Variants in ZNF343 observed in about 807,000 individuals in gnomAD.
ZNF343 encodes the protein zinc finger protein 343.
In ZNF343, 11 loss-of-function variants were observed where a neutral mutation model predicts 13.8. That is an observed-to-expected ratio of 0.80 (90% CI 0.50 to 1.32). ZNF343 has a LOEUF of 1.32. Ranked by LOEUF, ZNF343 falls within the 40% of genes most tolerant of loss-of-function variation. The pLI, the probability that ZNF343 is intolerant of heterozygous loss-of-function variation, is 0.00. For synonymous variants in ZNF343, 248 were observed against 260.0 expected (o/e 0.95, Z 0.44); for missense variants, 658 against 714.2 (o/e 0.92, Z 0.90).
At chr20:2,490,075 A>T (rs894101860) in intron 5 of ZNF343, among the ~76,000 whole-genome samples, 1 of 152,146 alleles carries the variant, frequency 6.6e-6, no homozygotes, top group Non-Finnish European at 1.5e-5. Context: ...TGGAAAGAGG[A>T]AAGAAAGAGA....
chr20:2,508,040 C>A lies in ZNF343; in HGVS notation c.-237+841G>T, dbSNP rs1351011403. ...CCCAGATGACGACCAAACCCAGGAA[C>A]TTTGCCACAAAGCACAGGGGGCACC... On this transcript the variant is annotated intron_variant, in intron 1 of 5. Transcript: ENST00000278772. This position sits in a 1 kb window ranked among gnomAD's most constrained non-coding sequence, Gnocchi z 4.5. Among the ~76,000 whole-genome samples, 1 of 152,024 alleles carries A rather than the reference C, an allele frequency of 6.6e-6. No individual in the cohort carries two copies. The highest frequency in any genetic ancestry group is 2.4e-5 in the African/African-American group (1 of 41,358).
At chr20:2,501,392 C>T (rs929312255) in intron 1 of ZNF343, among the ~76,000 whole-genome samples, 1 of 152,208 alleles carries the variant, frequency 6.6e-6, no homozygotes, top group Non-Finnish European at 1.5e-5. Context: ...GGGGGCAGGG[C>T]ATTGCCAAAC....
intron 1 of ZNF343, among the ~76,000 whole-genome samples, chr20:2,501,162 T>C (rs2085558137): frequency 6.6e-6 from 1 of 152,140 alleles, no homozygotes; most frequent in Non-Finnish European, 1.5e-5. Context: ...AGAGATTATA[T>C]CCCGCGCCTG....
chr20:2,515,048 G>GAT (rs1337066522), intron 1 of ZNF343, among the ~76,000 whole-genome samples: 2 of 147,342 alleles, frequency 1.4e-5, no homozygotes, highest in African/African-American at 5.0e-5. Context: ...GAAGGAAGGA[G>GAT]AAGAAGGAAG....
At chr20:2,520,598 C>T (rs2085777930) in intron 1 of ZNF343, among the ~76,000 whole-genome samples, 1 of 152,120 alleles carries the variant, frequency 6.6e-6, no homozygotes, top group South Asian at 2.1e-4. Context: ...TAATATACTG[C>T]TTATTTTATT....
chr20:2,515,474 A>C (rs12480388), intron 1 of ZNF343, among the ~76,000 whole-genome samples: 43,536 of 152,126 alleles, frequency 0.29, 6,416 homozygotes, highest in East Asian at 0.38. Flanking sequence ...AGAATCTTAA[A>C]AAATATTCCA....
chr20:2,519,566 T>C (rs1046633123), intron 1 of ZNF343, among the ~76,000 whole-genome samples: 2 of 152,222 alleles, frequency 1.3e-5, no homozygotes, highest in African/African-American at 4.8e-5. Context: ...CAATTCCTTA[T>C]ACTAAATCTC....
chr20:2,521,513 TG>T (rs1220251655), intron 1 of ZNF343, among the ~76,000 whole-genome samples: 1 of 152,158 alleles, frequency 6.6e-6, no homozygotes. Context: ...CCTCACCTGA[TG>T]GGAGACCTCT....
In ZNF343 at chr20:2,493,475, G is replaced by A. The variant is rs775511502; in HGVS notation, c.177+44C>T. On this transcript the variant is annotated intron_variant, in intron 4 of 5. Coordinates refer to ENST00000278772, the MANE Select transcript of ZNF343 (RefSeq NM_024325.6). ...AATATATGTCTATTCTCTGGAAAAT[G>A]AGCCAGCACTTCAGGAAAAAAAAAA... 4 of 1,546,736 alleles carry A rather than the reference G, an allele frequency of 2.6e-6. No individual in the cohort carries two copies. In the South Asian group the frequency reaches 3.3e-5, roughly 13 times the overall value.
upstream of ZNF343, among the ~76,000 whole-genome samples, chr20:2,509,369 C>G (rs776946307): frequency 3.3e-5 from 5 of 152,204 alleles, no homozygotes; most frequent in Non-Finnish European, 5.9e-5. Context: ...CTGTGACACA[C>G]AGGCAGGGCA....
chr20:2,503,545 C>A (rs1371030076), intron 1 of ZNF343, among the ~76,000 whole-genome samples: 13 of 152,086 alleles, frequency 8.5e-5, no homozygotes, highest in South Asian at 2.1e-4. Context: ...CCAAAATTGA[C>A]CACATAGTTG....
chr20:2,515,064 A>G (rs2085753745), intron 1 of ZNF343, among the ~76,000 whole-genome samples: 1 of 151,734 alleles, frequency 6.6e-6, no homozygotes, highest in Non-Finnish European at 1.5e-5. Flanking sequence ...GGAAGGAAGG[A>G]GAAGGAAGAA....
chr20:2,489,880 T>C (rs4813515), intron 5 of ZNF343, among the ~76,000 whole-genome samples: 102,342 of 151,790 alleles, frequency 0.67, 34,908 homozygotes, highest in African/African-American at 0.73. Flanking sequence ...CGGGCCGGGC[T>C]ATGGCTCACA....
In ZNF343 at chr20:2,483,354, A is replaced by C; in HGVS notation, c.1607T>G (p.Leu536Arg). The change falls in exon 6 of 6, where the codon CTC (leucine) becomes CGC (arginine). Residue 536 changes from leucine (L) to arginine (R), a missense_variant. Leu to Arg is a moderately radical substitution (Grantham distance 102). Coordinates refer to ENST00000278772, the MANE Select transcript of ZNF343 (RefSeq NM_024325.6). ...TGAGTGTGTCCTCTCATGTACAATG[A>C]GGGTTGACTTGTCACAAAAGCCTCG... is the stretch of plus-strand genomic sequence containing the variant. ...CGRGFCDKSTLIVHERTHSGE... is the reference protein window; with the variant it reads ...CGRGFCDKSTRIVHERTHSGE... 1 of 1,612,152 alleles carries C rather than the reference A, an allele frequency of 6.2e-7. No individual in the cohort carries two copies. The highest frequency in any genetic ancestry group is 8.5e-7 in the Non-Finnish European group (1 of 1,179,690).
chr20:2,498,160 C>G (rs1251544428), intron 2 of ZNF343, among the ~76,000 whole-genome samples: 1 of 152,096 alleles, frequency 6.6e-6, no homozygotes, highest in Admixed American at 6.5e-5. Context: ...AGGGCAAGAC[C>G]AGCCTGACCA....
upstream of ZNF343, among the ~76,000 whole-genome samples, chr20:2,512,812 G>A (rs192348158): frequency 4.6e-5 from 7 of 151,774 alleles, 1 homozygote; most frequent in Admixed American, 2.6e-4. Flanking sequence ...TGGGCCAGTC[G>A]CAGTGGCTCA....
chr20:2,517,793 C>T (rs1030454516), intron 1 of ZNF343, among the ~76,000 whole-genome samples: 3 of 151,810 alleles, frequency 2.0e-5, no homozygotes, highest in Non-Finnish European at 2.9e-5. Context: ...AGGAGTGAGC[C>T]GTTGCCCTTG....
intron 1 of ZNF343, among the ~76,000 whole-genome samples, chr20:2,507,403 C>G (rs1163887611): frequency 6.6e-6 from 1 of 152,114 alleles, no homozygotes; most frequent in Non-Finnish European, 1.5e-5. Flanking sequence ...TCTGCCCTGA[C>G]AAGCTGCTAT....
rs2085211523 is a variant in ZNF343, at chr20:2,483,513, TGGACAA to T, written c.1442_1447del (p.Leu481_Val482del). 6.2e-7 allele frequency: 1 copy of T among 1,612,624 alleles called. No individual in the cohort carries two copies. The highest frequency in any genetic ancestry group is 1.7e-5 in the Admixed American group (1 of 59,726). On this transcript the variant is annotated inframe_deletion, in exon 6 of 6. Transcript: ENST00000278772. ...CTTCTCCCCTGAGTGTGTCCTCTGG[TGGACAA>T]GGAGGAGTGATTTCCGACTAAAGCC...
Sources: gnomAD v4.1 joint callset for allele counts (sites outside exome capture counted in the v4.1 genomes callset) on GRCh38, gnomAD v4.1.1 for gene constraint, Gnocchi (gnomAD v3.1) non-coding constraint, MANE v1.5 for transcripts, NCBI Gene and HGNC (gene_info 2026-07-23, HGNC 2026-07-21) for gene names.